Variants in GDPGP1 observed in about 807,000 individuals in gnomAD.
GDPGP1 encodes GDP-D-glucose phosphorylase C15orf58.
GDPGP1 carries 18 observed loss-of-function variants against 19.2 expected under a neutral mutation model. The observed-to-expected ratio is 0.94, with a 90% CI of 0.65 to 1.39. The LOEUF (loss-of-function observed/expected upper bound fraction) is 1.39. Ranked by LOEUF, GDPGP1 falls within the 40% of genes most tolerant of loss-of-function variation. GDPGP1 has a pLI of 0.00. For missense variants in GDPGP1, 449 were observed against 490.5 expected, an observed-to-expected ratio of 0.92 and a Z score of 0.80; for synonymous variants, 219 against 208.9, an observed-to-expected ratio of 1.05 and a Z score of -0.42.
Position 90,241,101 on chromosome 15 carries a change from T to C in GDPGP1, c.193T>C (p.Ser65Pro), listed in dbSNP as rs1189146264. ...ATCTCCCTTTGATGCTGCACTCTGC[T>C]CTGCCTGGAAGCAGCGGGTGGAGCT... ...PQSPFDAALC[S>P]AWKQRVELGL... The change falls in exon 4 of 4, where the codon TCT becomes CCT. Residue 65 changes from serine (S) to proline (P), a missense_variant. Ser to Pro is a moderately conservative substitution (Grantham distance 74). Coordinates refer to ENST00000329600, the MANE Select transcript of GDPGP1 (RefSeq NM_001013657.3). 6.2e-7 allele frequency: 1 copy of C among 1,614,182 alleles called. No homozygotes were observed.
At position 90,243,001 on chromosome 15, in the gene GDPGP1, CTCCCCGTTCTTGTTCA is replaced by C. The variant is rs968391052; in HGVS notation, c.*936_*951del. ...GACATCATGAATGTATCTGCTACCT[CTCCCCGTTCTTGTTCA>C]AGCCCCAGGGGTGTTAAAAAGGAGT... On this transcript the variant is annotated 3_prime_UTR_variant, in exon 4 of 4. Coordinates refer to ENST00000329600, the MANE Select transcript of GDPGP1 (RefSeq NM_001013657.3). 1.9e-5 allele frequency: 2 copies of C among 104,016 alleles called. No individual in the cohort carries two copies. The highest frequency in any genetic ancestry group is 1.1e-4 in the African/African-American group (2 of 17,998). The allele number at this position is 104,016 out of a possible 1,614,324, so 6.4% of individuals were successfully genotyped here.
rs1267128700 is a variant in GDPGP1, at chr15:90,241,682, C to T, written c.774C>T (p.Tyr258=). 6.2e-6 allele frequency: 10 copies of T among 1,614,090 alleles called. No homozygotes were observed. The highest frequency in any genetic ancestry group is 1.1e-5 in the South Asian group (1 of 91,088). Residue 258 remains tyrosine, a synonymous_variant, in exon 4 of 4, where the codon TAC becomes TAT. Coordinates refer to ENST00000329600, the MANE Select transcript of GDPGP1 (RefSeq NM_001013657.3). The part of the protein sequence containing the change: ...QDLPAPGFLF[Y]TRGPGPDLES... Reference sequence around the variant, plus strand: ...TCCCAGCTCCTGGCTTCCTCTTTTACACTCGTGGGCCAGGGCCTGACTTGG... The same window carrying T: ...TCCCAGCTCCTGGCTTCCTCTTTTATACTCGTGGGCCAGGGCCTGACTTGG...
rs763282865 is a variant in GDPGP1 at position 90,241,577 on chromosome 15, C to G, written c.669C>G (p.Tyr223Ter). ...SVNHLHLHGY[Y>*]LAHRLPVEQA... The stretch of plus-strand genomic sequence containing the variant: ...ACCACCTCCACCTGCATGGCTATTA[C>G]CTGGCCCACAGACTGCCCGTGGAGC... Residue 223 changes from tyrosine (Y) to a stop codon, truncating the protein, a stop_gained, in exon 4 of 4, where the codon TAC becomes TAG. Transcript: ENST00000329600. LOFTEE classifies it high-confidence loss of function. The G allele has an allele frequency of 2.5e-6, 4 of 1,613,416 alleles. No individual in the cohort carries two copies. Among genetic ancestry groups the G allele is most frequent in the Non-Finnish European group, 3.4e-6 (4 of 1,180,036 alleles).
rs1170022539 is a variant in GDPGP1 at position 90,234,236 on chromosome 15, C to G, written c.-198C>G. 4.0e-6 allele frequency: 1 copy of G among 247,188 alleles called. No individual in the cohort carries two copies. Among genetic ancestry groups the G allele is most frequent in the Non-Finnish European group, 7.7e-6 (1 of 130,022 alleles). The allele number at this position is 247,188 out of a possible 1,614,324, so 15.3% of individuals were successfully genotyped here. On this transcript the variant is annotated 5_prime_UTR_variant, in exon 1 of 4. Transcript: ENST00000329600. ...ATGCGTCACGGGCGTCATGACCTCG[C>G]TGTGGCCCCGGCAGCGGCTGCGGGG...
chr15:90,241,122 G>A lies in GDPGP1; in HGVS notation c.214G>A (p.Glu72Lys). The change falls in exon 4 of 4, where the codon GAG becomes AAG. Residue 72 changes from glutamate (E) to lysine (K), a missense_variant. Transcript: ENST00000329600. ...ALCSAWKQRV[E>K]LGLFRYRLRE... ...CTGCTCTGCCTGGAAGCAGCGGGTG[G>A]AGCTGGGGCTGTTTCGCTACCGTCT... 3 of 1,614,166 alleles carry A rather than the reference G, an allele frequency of 1.9e-6. No individual in the cohort carries two copies. The highest frequency in any genetic ancestry group is 2.5e-6 in the Non-Finnish European group (3 of 1,180,008).
At chr15:90,237,020 G>A (rs988350789) in intron 2 of GDPGP1, among the ~76,000 whole-genome samples, 151 of 149,826 alleles carry the variant, frequency 1.0e-3, no homozygotes, top group African/African-American at 3.6e-3. Context: ...GTGCAGTGGT[G>A]CGATCTTAGC....
chr15:90,241,599 G>C lies in GDPGP1; in HGVS notation c.691G>C (p.Glu231Gln). The C allele has an allele frequency of 6.2e-7, 1 of 1,613,784 alleles. No individual in the cohort carries two copies. Among genetic ancestry groups the C allele is most frequent in the East Asian group, 2.2e-5 (1 of 44,878 alleles). The change falls in exon 4 of 4, where the codon GAG becomes CAG. Residue 231 changes from glutamate (E) to glutamine (Q), a missense_variant. By Grantham distance (29) the Glu-to-Gln change is conservative (BLOSUM62 2). Coordinates refer to ENST00000329600, the MANE Select transcript of GDPGP1 (RefSeq NM_001013657.3). ...TTACCTGGCCCACAGACTGCCCGTG[G>C]AGCAGGCGCCAAGCGAGCCCCTGGA... ...GYYLAHRLPV[E>Q]QAPSEPLDPG...
Position 90,241,197 on chromosome 15 carries a change from C to G in GDPGP1, c.289C>G (p.Gln97Glu), listed in dbSNP as rs905998246. The G allele has an allele frequency of 1.2e-6, 2 of 1,614,180 alleles. No individual in the cohort carries two copies. Among genetic ancestry groups the G allele is most frequent in the East Asian group, 4.5e-5 (2 of 44,892 alleles). Residue 97 changes from glutamine to glutamate, a missense_variant, in exon 4 of 4, where the codon CAG becomes GAG. Transcript: ENST00000329600. Reference protein sequence around the residue: ...ILPGAVGFVAQLNVERGVQRR... With the variant: ...ILPGAVGFVAELNVERGVQRR... The stretch of plus-strand genomic sequence containing the variant: ...CCCTGGTGCTGTGGGTTTCGTGGCT[C>G]AGCTGAATGTGGAGCGTGGTGTGCA...
chr15:90,234,964 C>T (rs1287176709), intron 2 of GDPGP1, among the ~76,000 whole-genome samples: 1 of 152,172 alleles, frequency 6.6e-6, no homozygotes, highest in Non-Finnish European at 1.5e-5. Context: ...ATTCTTGATC[C>T]TTCCAATCCA....
chr15:90,241,032 C>CA lies in GDPGP1; in HGVS notation c.125dup (p.Trp43ValfsTer18). On this transcript the variant is annotated frameshift_variant, in exon 4 of 4. Transcript: ENST00000329600. LOFTEE classifies it high-confidence loss of function. ...GAAGGATCTCATGGCAGAAGGGATT[C>CA]AGTGGCCAAGGAATGCACCTGGCAT... The CA allele has an allele frequency of 6.2e-7, 1 of 1,614,140 alleles. No individual in the cohort carries two copies. The highest frequency in any genetic ancestry group is 8.5e-7 in the Non-Finnish European group (1 of 1,179,980).
intron 2 of GDPGP1, among the ~76,000 whole-genome samples, chr15:90,236,475 C>G (rs563040813): frequency 1.8e-4 from 27 of 152,338 alleles, no homozygotes; most frequent in African/African-American, 6.0e-4. Context: ...CTTCCTGATT[C>G]ATTTTGTACA....
chr15:90,244,293 T>G lies in GDPGP1; in HGVS notation c.*2227T>G, dbSNP rs1193196619. On this transcript the variant is annotated 3_prime_UTR_variant, in exon 4 of 4. Coordinates refer to ENST00000329600, the MANE Select transcript of GDPGP1 (RefSeq NM_001013657.3). The stretch of plus-strand genomic sequence containing the variant: ...CTCTTGGGGTCTTTCCCAAGCACTT[T>G]AGAAGCTCCTCTTGATGTAGACACA... 6.6e-6 allele frequency: 1 copy of G among 152,190 alleles called. No homozygotes were observed. Among genetic ancestry groups the G allele is most frequent in the Admixed American group, 6.6e-5 (1 of 15,266 alleles). 9.4% of individuals were successfully genotyped at this position (152,190 alleles called of 1,614,324 possible).
At chr15:90,239,041 G>A (rs1962691665) in intron 3 of GDPGP1, among the ~76,000 whole-genome samples, 1 of 152,166 alleles carries the variant, frequency 6.6e-6, no homozygotes, top group African/African-American at 2.4e-5. Context: ...GTTCAATGAT[G>A]AGTGTGTGAG....
rs375868001 is a variant in GDPGP1 at position 90,241,261 on chromosome 15, C to T, written c.353C>T (p.Ala118Val). Residue 118 changes from alanine to valine, a missense_variant, in exon 4 of 4, where the codon GCA (alanine) becomes GTA (valine). Coordinates refer to ENST00000329600, the MANE Select transcript of GDPGP1 (RefSeq NM_001013657.3). ...PPQTIKSVRQ[A>V]FDPVQFNFNK... Reference sequence around the variant, plus strand: ...CAGACCATCAAGAGTGTGAGGCAGGCATTTGACCCTGTACAGTTCAACTTC... The same window carrying T: ...CAGACCATCAAGAGTGTGAGGCAGGTATTTGACCCTGTACAGTTCAACTTC... The T allele has an allele frequency of 6.2e-7, 1 of 1,614,166 alleles. No homozygotes were observed.
At position 90,242,197 on chromosome 15, in the gene GDPGP1, C is replaced by T; in HGVS notation, c.*131C>T. 1.5e-6 allele frequency: 1 copy of T among 671,354 alleles called. No individual in the cohort carries two copies. The highest frequency in any genetic ancestry group is 2.4e-6 in the Non-Finnish European group (1 of 409,208). The allele number at this position is 671,354 out of a possible 1,614,324, so 41.6% of individuals were successfully genotyped here. ...CCACCTCTGGGGCTGAAGTGATCCT[C>T]CCACCTCAGCCTCTTGAGTAGCTGA... On this transcript the variant is annotated 3_prime_UTR_variant, in exon 4 of 4. Coordinates refer to ENST00000329600, the MANE Select transcript of GDPGP1 (RefSeq NM_001013657.3).
Position 90,241,388 on chromosome 15 carries a change from C to T in GDPGP1, c.480C>T (p.Ser160=), listed in dbSNP as rs748996399. 2 of 1,613,892 alleles carry T rather than the reference C, an allele frequency of 1.2e-6. No individual in the cohort carries two copies. Among genetic ancestry groups the T allele is most frequent in the East Asian group, 2.2e-5 (1 of 44,888 alleles). ...QEDILVVINV[S]PLEWGHVLLV... is the part of the protein sequence containing the mutation. ...ACATCCTGGTGGTGATCAACGTCAGCCCCCTGGAGTGGGGCCACGTGCTGC... is the reference window on the plus strand; with the variant it reads ...ACATCCTGGTGGTGATCAACGTCAGTCCCCTGGAGTGGGGCCACGTGCTGC... Residue 160 remains serine (S), a synonymous_variant, in exon 4 of 4, where the codon AGC becomes AGT. Transcript: ENST00000329600.
intron 2 of GDPGP1, among the ~76,000 whole-genome samples, chr15:90,237,344 C>A (rs1434589164): frequency 4.9e-5 from 7 of 142,076 alleles, no homozygotes; most frequent in Admixed American, 1.5e-4. Context: ...TGCAGTGGCA[C>A]CACCTCAGTT....
In GDPGP1 at chr15:90,243,387, G is replaced by GCA. The variant is rs1962804602; in HGVS notation, c.*1321_*1322insCA. 1 of 146,446 alleles carries GCA rather than the reference G, an allele frequency of 6.8e-6. No individual in the cohort carries two copies. The highest frequency in any genetic ancestry group is 2.6e-5 in the African/African-American group (1 of 38,340). 9.1% of individuals were successfully genotyped at this position (146,446 alleles called of 1,614,324 possible). A position where few individuals can be genotyped will look rare whatever the true frequency, so the allele number is the denominator to read the frequency against. On this transcript the variant is annotated 3_prime_UTR_variant, in exon 4 of 4. Transcript: ENST00000329600. Reference sequence around the variant, plus strand: ...ACGTCTTTTTTTGTTTTGTTTTTTTGTAAGGCTGGGGTGCAGTGGTGCAAT... The same window carrying GCA: ...ACGTCTTTTTTTGTTTTGTTTTTTTGCATAAGGCTGGGGTGCAGTGGTGCAAT...
rs1436162717 is a variant in GDPGP1 at position 90,241,974 on chromosome 15, G to A, written c.1066G>A (p.Val356Met). The A allele has an allele frequency of 1.9e-6, 3 of 1,614,204 alleles. No individual in the cohort carries two copies. Among genetic ancestry groups the A allele is most frequent in the Non-Finnish European group, 2.5e-6 (3 of 1,180,036 alleles). Residue 356 changes from valine to methionine, a missense_variant, in exon 4 of 4, where the codon GTG (valine) becomes ATG (methionine). Coordinates refer to ENST00000329600, the MANE Select transcript of GDPGP1 (RefSeq NM_001013657.3). ...DFSSLTEAAA[V>M]ALIQDCRLPP... ...CAGCAGCCTGACAGAGGCAGCTGCTGTGGCCCTCATTCAGGACTGTCGGCT... is the reference window on the plus strand; with the variant it reads ...CAGCAGCCTGACAGAGGCAGCTGCTATGGCCCTCATTCAGGACTGTCGGCT...
Sources: gnomAD v4.1 joint callset for allele counts (sites outside exome capture counted in the v4.1 genomes callset) on GRCh38, gnomAD v4.1.1 for gene constraint, MANE v1.5 for transcripts, NCBI Gene and HGNC (gene_info 2026-07-23, HGNC 2026-07-21) for gene names.